Variants in RALGPS1 observed in about 807,000 individuals in gnomAD.
RALGPS1 encodes the protein ras-specific guanine nucleotide-releasing factor RalGPS1.
A neutral mutation model predicts 78.8 loss-of-function variants in RALGPS1; 19 were observed. The ratio of observed to expected loss-of-function variants is 0.24; its 90% CI spans 0.17 to 0.35. The LOEUF (loss-of-function observed/expected upper bound fraction) is 0.35, where lower values mean the gene tolerates loss of function less well. Ranked by LOEUF, RALGPS1 falls within the 10% of genes least tolerant of loss-of-function variation. The pLI is 1.00. For synonymous variants in RALGPS1, 228 were observed against 256.3 expected (o/e 0.89, Z 1.06); for missense variants, 454 against 688.3 (o/e 0.66, Z 3.81).
At chr9:127,126,527 A>C (rs536607856) in intron 8 of RALGPS1, among the ~76,000 whole-genome samples, 5 of 152,326 alleles carry the variant, frequency 3.3e-5, no homozygotes, top group African/African-American at 9.6e-5. Flanking sequence ...TCCACAGGTC[A>C]CTGAAGCTTT....
intron 1 of RALGPS1, among the ~76,000 whole-genome samples, chr9:126,926,874 A>G (rs538891295): frequency 2.0e-5 from 3 of 152,284 alleles, no homozygotes; most frequent in African/African-American, 7.2e-5. Context: ...GGGCGATATC[A>G]GAGTTTCTCA....
chr9:126,917,654 G>A (rs2454217), intron 1 of RALGPS1, among the ~76,000 whole-genome samples: 89,104 of 152,136 alleles, frequency 0.59, 30,181 homozygotes, highest in East Asian at 0.81. Context: ...TAAATGAGAC[G>A]GGAGGGGAGA....
intron 8 of RALGPS1, among the ~76,000 whole-genome samples, chr9:127,077,787 G>A (rs2050805015): frequency 6.6e-6 from 1 of 152,112 alleles, no homozygotes; most frequent in Non-Finnish European, 1.5e-5. Flanking sequence ...TGGTGCCTCA[G>A]CCAGCTGCCT....
rs747363888 is a variant in RALGPS1, at chr9:127,212,582, C to T, written c.1354-45C>T. 3 of 1,408,662 alleles carry T rather than the reference C, an allele frequency of 2.1e-6. No individual in the cohort carries two copies. The South Asian group carries it at 3.6e-5, about 17-fold the overall frequency. 87.3% of individuals were successfully genotyped at this position (1,408,662 alleles called of 1,614,324 possible). A position where few individuals can be genotyped will look rare whatever the true frequency, so the allele number is the denominator to read the frequency against. On this transcript the variant is annotated intron_variant, in intron 15 of 18. Transcript: ENST00000259351. This position sits in a 1 kb window ranked among gnomAD's most constrained non-coding sequence, Gnocchi z 6.0. ...TGTAATCGGCCAGGGATCCTCTACC[C>T]CCACGACCCCTGGTGGCATCACTCA...
At chr9:126,959,801 A>G (rs1024639287) in intron 1 of RALGPS1, among the ~76,000 whole-genome samples, 1 of 152,104 alleles carries the variant, frequency 6.6e-6, no homozygotes, top group African/African-American at 2.4e-5. Context: ...GTTGACACAC[A>G]CCTCACTAAG....
chr9:126,915,785 G>A (rs1271139601), intron 1 of RALGPS1, among the ~76,000 whole-genome samples: 2 of 152,084 alleles, frequency 1.3e-5, no homozygotes, highest in Non-Finnish European at 2.9e-5. Context: ...TGCGGGGGGC[G>A]GGGGGTTGGT....
At chr9:127,216,459 A>G (rs1483059812) in intron 18 of RALGPS1, among the ~76,000 whole-genome samples, 1 of 152,250 alleles carries the variant, frequency 6.6e-6, no homozygotes, top group Non-Finnish European at 1.5e-5. Context: ...TGTTCTTGAT[A>G]GGAACCAAAA....
rs1405434182 is a variant in RALGPS1, at chr9:127,214,757, T to C, written c.1559T>C (p.Val520Ala). ...TGGTTTCTCTACCCATCAGGCAATG[T>C]TTACAAGTTTCAGACTGGTTCCCGA... ...FQLNNPDKGN[V>A]YKFQTGSRFH... Residue 520 changes from valine (V) to alanine (A), a missense_variant, in exon 18 of 19, where the codon GTT becomes GCT. By Grantham distance (64) the Val-to-Ala change is moderately conservative (BLOSUM62 0). Transcript: ENST00000259351. The C allele has an allele frequency of 6.2e-7, 1 of 1,609,282 alleles. No individual in the cohort carries two copies.
intron 1 of RALGPS1, among the ~76,000 whole-genome samples, chr9:126,939,055 A>G (rs926468910): frequency 6.6e-6 from 1 of 152,122 alleles, no homozygotes; most frequent in African/African-American, 2.4e-5. Flanking sequence ...CCTACAGCGG[A>G]GCCACTTCTA....
At position 126,962,251 on chromosome 9, in the gene RALGPS1, T is replaced by C. The variant is rs1421700782; in HGVS notation, c.-39T>C. 3 of 1,610,968 alleles carry C rather than the reference T, an allele frequency of 1.9e-6. No homozygotes were observed. The highest frequency in any genetic ancestry group is 2.7e-5 in the African/African-American group (2 of 74,884). On this transcript the variant is annotated 5_prime_UTR_variant, in exon 2 of 19. Coordinates refer to ENST00000259351, the MANE Select transcript of RALGPS1 (RefSeq NM_014636.3). ...ACTTCTCCAGACAGGTTATGTTACC[T>C]GCAGAGGCTGCCCTGAAGCTCCCTG...
chr9:127,032,412 C>T (rs534718530), intron 4 of RALGPS1, among the ~76,000 whole-genome samples: 2 of 152,132 alleles, frequency 1.3e-5, no homozygotes, highest in African/African-American at 4.8e-5. Context: ...GCTATTTATT[C>T]GAAAATTCAG....
intron 8 of RALGPS1, among the ~76,000 whole-genome samples, chr9:127,081,695 T>C (rs2051189870): frequency 6.6e-6 from 1 of 152,204 alleles, no homozygotes; most frequent in South Asian, 2.1e-4. Context: ...CTGTCTTTCC[T>C]CCTCCAAGGA....
chr9:127,158,647 G>A (rs1217969556), intron 8 of RALGPS1, among the ~76,000 whole-genome samples: 3 of 151,352 alleles, frequency 2.0e-5, no homozygotes, highest in African/African-American at 7.3e-5. Flanking sequence ...CATTATTTAT[G>A]CTTTTATATT....
At chr9:127,092,779 G>A (rs1359920725) in intron 8 of RALGPS1, among the ~76,000 whole-genome samples, 1 of 151,990 alleles carries the variant, frequency 6.6e-6, no homozygotes, top group African/African-American at 2.4e-5. Context: ...GGAGTCTCCC[G>A]CTCCTAATGT....
chr9:126,952,737 G>A (rs1244615141), intron 1 of RALGPS1, among the ~76,000 whole-genome samples: 1 of 151,940 alleles, frequency 6.6e-6, no homozygotes. Context: ...GTGTGCACAC[G>A]TGTACACTTA....
chr9:126,925,544 G>T (rs2035188845), intron 1 of RALGPS1, among the ~76,000 whole-genome samples: 2 of 133,360 alleles, frequency 1.5e-5, no homozygotes, highest in South Asian at 4.9e-4. Context: ...GTGAGACTCT[G>T]TCTCAAAAAA....
At position 126,927,208 on chromosome 9, in the gene RALGPS1, A is replaced by G. The variant is rs140253196; in HGVS notation, c.-66+12233A>G. Among the ~76,000 whole-genome samples, 1,279 of 152,240 alleles carry G rather than the reference A, an allele frequency of 8.4e-3. 30 individuals carry two copies. The highest frequency in any genetic ancestry group is 0.082 in the East Asian group (427 of 5,176). On this transcript the variant is annotated intron_variant, in intron 1 of 18. Transcript: ENST00000259351. ...AGGAGATACTTGGGGTCATTCTTGC[A>G]TAGCTGGCCCCTGAAGTTGTGTCAT...
chr9:127,176,817 T>C (rs1316182334), intron 11 of RALGPS1, among the ~76,000 whole-genome samples: 2 of 152,152 alleles, frequency 1.3e-5, no homozygotes, highest in Non-Finnish European at 2.9e-5. Flanking sequence ...CAGGATGGTG[T>C]TCGCCTTGGT....
intron 1 of RALGPS1, among the ~76,000 whole-genome samples, chr9:126,947,981 T>G (rs538008550): frequency 4.6e-5 from 7 of 152,316 alleles, no homozygotes; most frequent in Admixed American, 4.6e-4. Context: ...TACATTTTTT[T>G]TAGTGTTGTA....
Sources: allele counts gnomAD v4.1 joint callset (sites outside exome capture counted in the v4.1 genomes callset), GRCh38; gene constraint gnomAD v4.1.1; non-coding constraint Gnocchi (gnomAD v3.1); transcripts MANE v1.5; gene names NCBI Gene and HGNC (gene_info 2026-07-23, HGNC 2026-07-21).